The following CASK variants were observed in gnomAD, a reference collection of about 807,000 sequenced individuals.
CASK encodes the protein peripheral plasma membrane protein CASK.
CASK carries 4 observed loss-of-function variants against 82.9 expected under a neutral mutation model. The observed-to-expected ratio is 0.05, with a 90% CI of 0.02 to 0.11. The LOEUF (loss-of-function observed/expected upper bound fraction) is 0.11, where lower values mean the gene tolerates loss of function less well. Among genes scored for constraint, CASK ranks in the 10% least tolerant of loss-of-function variants. The pLI is 1.00. For missense variants in CASK, 358 were observed against 720.9 expected (o/e 0.50, Z 5.76); for synonymous variants, 259 against 253.5 (o/e 1.02, Z -0.20).
At chrX:41,745,003 C>T (rs2068663683) in intron 4 of CASK, among the ~76,000 whole-genome samples, 1 of 111,264 alleles carries the variant, frequency 9.0e-6, no homozygotes, top group Non-Finnish European at 1.9e-5. Flanking sequence ...TATTATAAAC[C>T]CACGTTTTCA....
At chrX:41,749,187 G>C (rs2068745099) in intron 3 of CASK, among the ~76,000 whole-genome samples, 1 of 107,793 alleles carries the variant, frequency 9.3e-6, no homozygotes, top group African/African-American at 3.4e-5. Flanking sequence ...TACTCTGAAG[G>C]CTGAGGCAGG....
intron 15 of CASK, among the ~76,000 whole-genome samples, chrX:41,575,369 T>C (rs1392493492): frequency 5.4e-5 from 6 of 111,574 alleles, no homozygotes; most frequent in Admixed American, 9.6e-5. Context: ...AGGGAAGGCA[T>C]TGGCATAGCT....
intron 21 of CASK, among the ~76,000 whole-genome samples, chrX:41,545,149 C>T (rs1298645237): frequency 9.0e-6 from 1 of 110,584 alleles, no homozygotes; most frequent in African/African-American, 3.3e-5. Flanking sequence ...CCTCAGCCTC[C>T]TGAGTAGCTG....
intron 2 of CASK, among the ~76,000 whole-genome samples, chrX:41,822,197 T>C (rs2070558224): frequency 1.8e-5 from 2 of 112,420 alleles, no homozygotes; most frequent in Non-Finnish European, 3.8e-5. Flanking sequence ...TAATGTGTTG[T>C]ATTGCACCTT....
At chrX:41,629,063 G>C (rs1230707871) in intron 9 of CASK, among the ~76,000 whole-genome samples, 4 of 112,102 alleles carry the variant, frequency 3.6e-5, no homozygotes, top group Non-Finnish European at 5.6e-5. Context: ...AAAGAGCCCT[G>C]AGATGCAAAT....
intron 3 of CASK, among the ~76,000 whole-genome samples, chrX:41,784,149 C>G (rs776228516): frequency 2.7e-5 from 3 of 111,909 alleles, no homozygotes; most frequent in African/African-American, 9.7e-5. Context: ...TACATCTCCA[C>G]AACTACAATC....
intron 24 of CASK, among the ~76,000 whole-genome samples, chrX:41,532,978 C>T (rs184711533): frequency 4.8e-4 from 53 of 110,844 alleles, no homozygotes; most frequent in African/African-American, 1.6e-3. Context: ...GCCCGGCTAA[C>T]TTTTGTATTT....
chrX:41,582,410 C>T lies in CASK; in HGVS notation c.1315-3882G>A, dbSNP rs1261920808. On this transcript the variant is annotated intron_variant, in intron 14 of 26. Transcript: ENST00000378163. ...AACTCACTGCAACCTCTGCCTCCTG[C>T]GTTCAAGAGATTCTCCTGCCTCAGC... Among the ~76,000 whole-genome samples, 12 of 111,498 alleles carry T rather than the reference C, an allele frequency of 1.1e-4. No homozygotes were observed. The South Asian group carries it at 3.4e-3, about 32-fold the overall frequency.
At chrX:41,551,234 A>G (rs2147132735) in intron 21 of CASK, among the ~76,000 whole-genome samples, 1 of 112,317 alleles carries the variant, frequency 8.9e-6, no homozygotes, top group South Asian at 3.7e-4. Flanking sequence ...TGGCTGCCCC[A>G]GGCTGTGTGT....
At chrX:41,727,904 T>C in intron 5 of CASK, 1 of 1,203,326 alleles carries the variant, frequency 8.3e-7, no homozygotes, top group Non-Finnish European at 1.1e-6. Flanking sequence ...ACAAAAAACA[T>C]TCTCACCTGT....
At chrX:41,612,814 C>A (rs1420788818) in intron 11 of CASK, among the ~76,000 whole-genome samples, 1 of 100,091 alleles carries the variant, frequency 1.0e-5, no homozygotes, top group Non-Finnish European at 2.1e-5. Context: ...GCGCCTCTGC[C>A]TGGCCGCCCC....
chrX:41,700,931 CAAAAAAAAAAAA>C (rs1215266415), intron 5 of CASK, among the ~76,000 whole-genome samples: 3 of 37,128 alleles, frequency 8.1e-5, no homozygotes, highest in African/African-American at 3.5e-4. Flanking sequence ...GACTCCGTCT[CAAAAAAAAAAAA>C]AAAAAAAAAA....
At chrX:41,744,471 G>A (rs898729161) in intron 4 of CASK, among the ~76,000 whole-genome samples, 304 of 108,998 alleles carry the variant, frequency 2.8e-3, no homozygotes, top group Non-Finnish European at 4.8e-3. Flanking sequence ...TCAGCCTCCC[G>A]AGTAGCTGGG....
At chrX:41,907,444 T>C (rs1219508722) in intron 1 of CASK, among the ~76,000 whole-genome samples, 1 of 112,026 alleles carries the variant, frequency 8.9e-6, no homozygotes, top group African/African-American at 3.2e-5. Flanking sequence ...AATTGAGTTG[T>C]ATTTTATACG....
At chrX:41,736,102 C>T (rs747434486) in intron 5 of CASK, among the ~76,000 whole-genome samples, 1 of 111,795 alleles carries the variant, frequency 8.9e-6, no homozygotes, top group Admixed American at 9.5e-5. Context: ...GGATGAATGT[C>T]TTAAGAAAAA....
chrX:41,854,214 GCGGGCGCGCGCACACA>G (rs1460214392), intron 1 of CASK, among the ~76,000 whole-genome samples: 1 of 88,067 alleles, frequency 1.1e-5, no homozygotes, highest in African/African-American at 4.3e-5. Context: ...GCGCGCGCGC[GCGGGCGCGCGCACACA>G]CACACACACA....
At chrX:41,581,441 T>C (rs1664288239) in intron 14 of CASK, among the ~76,000 whole-genome samples, 1 of 110,579 alleles carries the variant, frequency 9.0e-6, no homozygotes, top group Non-Finnish European at 1.9e-5. Context: ...CCTCTTCCTT[T>C]AGTTACTGTA....
chrX:41,726,334 A>G (rs914806203), intron 5 of CASK, among the ~76,000 whole-genome samples: 1 of 112,138 alleles, frequency 8.9e-6, no homozygotes, highest in African/African-American at 3.2e-5. Context: ...CATTTTAAAT[A>G]TTCTTTGGTA....
intron 1 of CASK, chrX:41,919,407 TG>T (rs2148109323): frequency 8.9e-6 from 1 of 112,008 alleles, no homozygotes; most frequent in South Asian, 3.7e-4. Context: ...AAGGTAAAAA[TG>T]GTATGTATTT....
Sources: gnomAD v4.1 joint callset for allele counts (sites outside exome capture counted in the v4.1 genomes callset) on GRCh38, gnomAD v4.1.1 for gene constraint, MANE v1.5 for transcripts, NCBI Gene and HGNC (gene_info 2026-07-23, HGNC 2026-07-21) for gene names.